The following SPAG17 variants were observed in gnomAD, a reference collection of about 807,000 sequenced individuals.
The protein encoded by SPAG17 is sperm-associated antigen 17.
Under a neutral mutation model 273.6 loss-of-function variants are expected in SPAG17, and 169 were observed. The ratio of observed to expected loss-of-function variants is 0.62; its 90% CI spans 0.55 to 0.70. The LOEUF (loss-of-function observed/expected upper bound fraction) is 0.70, where lower values mean the gene tolerates loss of function less well. Ranked by LOEUF, SPAG17 falls within the 30% of genes least tolerant of loss-of-function variation. SPAG17 has a pLI of 0.00. For missense variants in SPAG17, 2,557 were observed against 2,627.8 expected (o/e 0.97, Z 0.59); for synonymous variants, 825 against 873.2 (o/e 0.94, Z 0.97).
At position 118,036,810 on chromosome 1, in the gene SPAG17, G is replaced by A. The variant is rs377422107; in HGVS notation, c.3393C>T (p.Cys1131=). ...SFSATLENGI[C]LSISYYGSNG... ...TTGATCCATAGTAACTTATCGAGAG[G>A]CAGATTCCATTTTCTAAGGTGGCAG... is the stretch of plus-strand genomic sequence containing the variant. The change falls in exon 24 of 49, where the codon TGC becomes TGT. Residue 1131 remains cysteine, a synonymous_variant. Transcript: ENST00000336338. 1.3e-6 allele frequency: 2 copies of A among 1,559,512 alleles called. No individual in the cohort carries two copies. Among genetic ancestry groups the A allele is most frequent in the South Asian group, 2.4e-5 (2 of 84,512 alleles).
chr1:118,038,237 T>C (rs1316967597), intron 23 of SPAG17, among the ~76,000 whole-genome samples: 1 of 152,170 alleles, frequency 6.6e-6, no homozygotes, highest in Non-Finnish European at 1.5e-5. Flanking sequence ...AAGATACCAC[T>C]AGACACCTTA....
intron 28 of SPAG17, among the ~76,000 whole-genome samples, chr1:118,018,773 T>C (rs1660215079): frequency 6.6e-6 from 1 of 152,022 alleles, no homozygotes; most frequent in African/African-American, 2.4e-5. Flanking sequence ...ATATAAAGGA[T>C]ATTGTCAATG....
At chr1:118,037,465 T>C (rs1649213636) in intron 23 of SPAG17, among the ~76,000 whole-genome samples, 1 of 152,170 alleles carries the variant, frequency 6.6e-6, no homozygotes, top group Non-Finnish European at 1.5e-5. Context: ...GTGAGCATAG[T>C]ACCTGATAGG....
chr1:118,176,813 T>G (rs1455494160), intron 1 of SPAG17, among the ~76,000 whole-genome samples: 1 of 152,102 alleles, frequency 6.6e-6, no homozygotes, highest in African/African-American at 2.4e-5. Flanking sequence ...CAGAACAAAT[T>G]TCAACAAATT....
chr1:118,064,221 C>T (rs1245783906), intron 18 of SPAG17, among the ~76,000 whole-genome samples: 2 of 152,102 alleles, frequency 1.3e-5, no homozygotes, highest in South Asian at 2.1e-4. Flanking sequence ...TTTGACCCAG[C>T]CATCCCATTA....
At position 118,008,124 on chromosome 1, in the gene SPAG17, C is replaced by T. The variant is rs774826095; in HGVS notation, c.4507G>A (p.Ala1503Thr). ...CAGCAGCTACTGTCCTCACAGTTGGCGATAACAGTGGCATAGCGTGAGCTT... is the reference window on the plus strand; with the variant it reads ...CAGCAGCTACTGTCCTCACAGTTGGTGATAACAGTGGCATAGCGTGAGCTT... ...VESSRYATVI[A>T]NCEDSSCCAT... Residue 1503 changes from alanine to threonine, a missense_variant, in exon 31 of 49, where the codon GCC (alanine) becomes ACC (threonine). Transcript: ENST00000336338. 40 of 1,613,912 alleles carry T rather than the reference C, an allele frequency of 2.5e-5. No individual in the cohort carries two copies. Among genetic ancestry groups the T allele is most frequent in the Admixed American group, 8.3e-5 (5 of 59,974 alleles).
chr1:118,141,851 T>C (rs765306254), intron 3 of SPAG17, among the ~76,000 whole-genome samples: 1 of 152,208 alleles, frequency 6.6e-6, no homozygotes, highest in Non-Finnish European at 1.5e-5. Flanking sequence ...ATTGACCCCT[T>C]ACATGACATA....
Position 118,055,771 on chromosome 1 carries a change from G to A in SPAG17, c.2684C>T (p.Thr895Ile). ...ELKSSANAKL[T>I]SASKIFSIKE... ...AATGGAAAAAATTTTGCTAGCAGAA[G>A]TAAGTTTGGCATTAGCAGAAGATTT... Residue 895 changes from threonine (T) to isoleucine (I), a missense_variant, in exon 19 of 49, where the codon ACT becomes ATT. Physicochemically the swap from Thr to Ile is moderately conservative, Grantham distance 89. Transcript: ENST00000336338. The A allele has an allele frequency of 6.2e-7, 1 of 1,612,766 alleles. No individual in the cohort carries two copies. Among genetic ancestry groups the A allele is most frequent in the Non-Finnish European group, 8.5e-7 (1 of 1,179,582 alleles).
Position 117,973,318 on chromosome 1 carries a change from G to A in SPAG17, c.6141+107C>T, listed in dbSNP as rs1307726834. The A allele has an allele frequency of 2.8e-6, 4 of 1,410,884 alleles. No homozygotes were observed. In the East Asian group the frequency reaches 9.2e-5, roughly 32 times the overall value. The allele number at this position is 1,410,884 out of a possible 1,614,324, so 87.4% of individuals were successfully genotyped here. A position where few individuals can be genotyped will look rare whatever the true frequency, so the allele number is the denominator to read the frequency against. On this transcript the variant is annotated intron_variant, in intron 44 of 48. Transcript: ENST00000336338. ...GGAAACTAATAACTTCAATGAATCA[G>A]AATTACATAAAATCTACAAAAGGAG... is the stretch of plus-strand genomic sequence containing the variant.
intron 32 of SPAG17, among the ~76,000 whole-genome samples, chr1:118,004,722 G>C (rs925216135): frequency 2.0e-5 from 3 of 152,194 alleles, no homozygotes; most frequent in Non-Finnish European, 4.4e-5. Context: ...GTTTGTCATG[G>C]TTTCCCTTGG....
At chr1:118,087,598 GATTAT>G (rs1224398820) in intron 10 of SPAG17, among the ~76,000 whole-genome samples, 2 of 152,224 alleles carry the variant, frequency 1.3e-5, no homozygotes, top group African/African-American at 4.8e-5. Context: ...AAAGTTATTA[GATTAT>G]GAGATCAGTA....
At position 118,086,937 on chromosome 1, in the gene SPAG17, G is replaced by C; in HGVS notation, c.1431C>G (p.Asp477Glu). ...REPSPRADGL[D>E]HRIAAHIVSL... ...ACACAATGTGAGCTGCGATTCTGTG[G>C]TCTAGCCCGTCTGCTCTGGGGGATG... The change falls in exon 11 of 49, where the codon GAC (aspartate) becomes GAG (glutamate). Residue 477 changes from aspartate to glutamate, a missense_variant. Transcript: ENST00000336338. The C allele has an allele frequency of 6.2e-7, 1 of 1,608,482 alleles. No homozygotes were observed.
intron 18 of SPAG17, among the ~76,000 whole-genome samples, chr1:118,058,721 A>C (rs745538520): frequency 7.2e-5 from 11 of 152,176 alleles, no homozygotes; most frequent in Admixed American, 2.0e-4. Context: ...ACTCTACACT[A>C]ACCTAGTGAA....
At chr1:118,116,128 A>C (rs529620397) in intron 3 of SPAG17, among the ~76,000 whole-genome samples, 2 of 152,200 alleles carry the variant, frequency 1.3e-5, no homozygotes, top group South Asian at 4.2e-4. Context: ...TGTGTTTTTT[A>C]CAGCTTGTTT....
At chr1:117,979,431 T>C (rs563307093) in intron 43 of SPAG17, among the ~76,000 whole-genome samples, 1 of 152,262 alleles carries the variant, frequency 6.6e-6, no homozygotes, top group East Asian at 1.9e-4. Context: ...ATAGTTCCTA[T>C]TAATTTCCTT....
Position 117,953,938 on chromosome 1 carries a change from T to G in SPAG17, c.*112A>C. The G allele has an allele frequency of 3.7e-6, 5 of 1,355,260 alleles. No homozygotes were observed. Among genetic ancestry groups the G allele is most frequent in the Non-Finnish European group, 5.1e-6 (5 of 980,530 alleles). 84.0% of individuals were successfully genotyped at this position (1,355,260 alleles called of 1,614,324 possible). On this transcript the variant is annotated 3_prime_UTR_variant, in exon 49 of 49. Coordinates refer to ENST00000336338, the MANE Select transcript of SPAG17 (RefSeq NM_206996.4). ...CATTTGGCAAATTTCTGGTCAGTTC[T>G]TCCAGTTTCAGTGTCCTGGGATGAT...
chr1:117,967,371 A>G (rs1364801176), intron 46 of SPAG17, among the ~76,000 whole-genome samples: 1 of 150,962 alleles, frequency 6.6e-6, no homozygotes, highest in Non-Finnish European at 1.5e-5. Flanking sequence ...TGTTCCTTGC[A>G]GGGGTGTCCA....
chr1:118,070,822 T>C (rs1363890883), intron 17 of SPAG17, among the ~76,000 whole-genome samples: 1 of 152,214 alleles, frequency 6.6e-6, no homozygotes, highest in Non-Finnish European at 1.5e-5. Context: ...ACTTATATAG[T>C]GTATAGCACA....
chr1:118,106,352 C>T (rs1656397497), intron 4 of SPAG17, among the ~76,000 whole-genome samples: 1 of 152,130 alleles, frequency 6.6e-6, no homozygotes. Context: ...GAGGAGAAAA[C>T]TGAGTCTTAG....
Sources: gnomAD v4.1 joint callset for allele counts (sites outside exome capture counted in the v4.1 genomes callset) on GRCh38, gnomAD v4.1.1 for gene constraint, MANE v1.5 for transcripts, NCBI Gene and HGNC (gene_info 2026-07-23, HGNC 2026-07-21) for gene names.